Variants in ARFGEF1 observed in about 807,000 individuals in gnomAD.
ARFGEF1 encodes the protein ARF guanine nucleotide exchange factor 1, also known as brefeldin A-inhibited guanine nucleotide-exchange protein 1.
ARFGEF1 carries 42 observed loss-of-function variants against 231.0 expected under a neutral mutation model. The ratio of observed to expected loss-of-function variants is 0.18; its 90% CI spans 0.14 to 0.24. The LOEUF (loss-of-function observed/expected upper bound fraction) is 0.24. Ranked by LOEUF, ARFGEF1 falls within the 10% of genes least tolerant of loss-of-function variation. ARFGEF1 has a pLI of 1.00. For synonymous variants in ARFGEF1, 710 were observed against 732.3 expected (o/e 0.97, Z 0.49); for missense variants, 1,345 against 2,192.0 (o/e 0.61, Z 7.72).
intron 1 of ARFGEF1, among the ~76,000 whole-genome samples, chr8:67,333,730 T>C (rs1053127613): frequency 2.0e-5 from 3 of 152,194 alleles, no homozygotes; most frequent in African/African-American, 7.2e-5. Flanking sequence ...TTCCAAAATC[T>C]GAAACTTTTT....
At chr8:67,193,587 A>G (rs754461937), downstream of ARFGEF1, 2 of 1,613,582 alleles carry the variant, frequency 1.2e-6, no homozygotes, top group Admixed American at 3.3e-5. Flanking sequence ...ATTTCACAAT[A>G]AACCTATTAA....
Position 67,184,742 on chromosome 8 carries a change from A to T in ARFGEF1, c.561-9170T>A, listed in dbSNP as rs964286928. On this transcript the variant is annotated intron_variant, in intron 5 of 5. Coordinates refer to the ARFGEF1 transcript ENST00000518789. ...CTGTCTAAAAAAATAATAATAAAAA[A>T]ATATAATAATAATAATAATAATAAT... Among the ~76,000 whole-genome samples, 252 of 140,014 alleles carry T rather than the reference A, an allele frequency of 1.8e-3. 3 individuals are homozygous for T. Among genetic ancestry groups the T allele is most frequent in the African/African-American group, 6.8e-3 (244 of 35,814 alleles). 91.9% of individuals were successfully genotyped at this position (140,014 alleles called of 152,430 possible).
chr8:67,196,390 A>G (rs1563822502), downstream of ARFGEF1: 2 of 152,314 alleles, frequency 1.3e-5, no homozygotes, highest in South Asian at 2.1e-4. Context: ...TGGATAAGTG[A>G]GTCCATGTGA....
At chr8:67,217,967 T>G in intron 31 of ARFGEF1, 36 bp downstream of exon 31, 1 of 1,612,338 alleles carries the variant, frequency 6.2e-7, no homozygotes, top group Non-Finnish European at 8.5e-7. Flanking sequence ...AGGGTCACAT[T>G]TAACACTTTG....
intron 1 of ARFGEF1, among the ~76,000 whole-genome samples, chr8:67,315,682 CTAA>C (rs1312119358): frequency 1.3e-5 from 2 of 152,062 alleles, no homozygotes; most frequent in African/African-American, 4.8e-5. Context: ...TGGAGAAAAA[CTAA>C]TATTTCCAAA....
intron 5 of ARFGEF1, among the ~76,000 whole-genome samples, chr8:67,187,654 A>C (rs1455675010): frequency 6.6e-6 from 1 of 152,208 alleles, no homozygotes; most frequent in Non-Finnish European, 1.5e-5. Context: ...ACTAAACTCC[A>C]GCCTGGGCAA....
intron 4 of ARFGEF1, among the ~76,000 whole-genome samples, chr8:67,298,632 T>G (rs1307168379): frequency 6.6e-6 from 1 of 152,218 alleles, no homozygotes; most frequent in Admixed American, 6.5e-5. Context: ...AGAAAAACTT[T>G]GGAAGACTCT....
chr8:67,262,299 C>T (rs546663524), intron 14 of ARFGEF1, among the ~76,000 whole-genome samples: 3 of 152,096 alleles, frequency 2.0e-5, no homozygotes, highest in African/African-American at 4.8e-5. Flanking sequence ...GTAAAAGTAA[C>T]AAGAGACTTA....
At chr8:67,196,890 CACTT>C (rs879807517), downstream of ARFGEF1, among the ~76,000 whole-genome samples, 1 of 152,158 alleles carries the variant, frequency 6.6e-6, no homozygotes, top group African/African-American at 2.4e-5. Context: ...AAATACAGCA[CACTT>C]ACTTACAAAT....
intron 33 of ARFGEF1, among the ~76,000 whole-genome samples, chr8:67,214,896 G>C (rs891146451): frequency 2.6e-5 from 4 of 152,178 alleles, no homozygotes; most frequent in African/African-American, 7.2e-5. Context: ...AGAAAAAGAA[G>C]AACAACTGAG....
intron 19 of ARFGEF1, among the ~76,000 whole-genome samples, chr8:67,241,788 A>C (rs555097675): frequency 1.3e-5 from 2 of 152,258 alleles, no homozygotes; most frequent in Admixed American, 1.3e-4. Context: ...TTTTAACTTG[A>C]TATCACTGAA....
At chr8:67,233,734 TCTG>T (rs1414594065) in intron 22 of ARFGEF1, among the ~76,000 whole-genome samples, 1 of 151,672 alleles carries the variant, frequency 6.6e-6, no homozygotes, top group Non-Finnish European at 1.5e-5. Flanking sequence ...TCTCCTTCAT[TCTG>T]CTTACTGTTA....
At chr8:67,296,339 G>A in intron 5 of ARFGEF1, 92 bp downstream of exon 5, 1 of 1,128,536 alleles carries the variant, frequency 8.9e-7, no homozygotes, top group Admixed American at 2.2e-5. Context: ...TTTTCTACAG[G>A]TACAAAGATT....
At chr8:67,323,600 C>T (rs1807694153) in intron 1 of ARFGEF1, among the ~76,000 whole-genome samples, 1 of 152,196 alleles carries the variant, frequency 6.6e-6, no homozygotes, top group Admixed American at 6.5e-5. Flanking sequence ...AAAATCATGT[C>T]ATTAGAAACC....
intron 29 of ARFGEF1, among the ~76,000 whole-genome samples, chr8:67,221,716 C>T (rs762951754): frequency 1.3e-5 from 2 of 152,070 alleles, no homozygotes; most frequent in African/African-American, 2.4e-5. Flanking sequence ...TTTGCATTCA[C>T]TCACCACTCA....
intron 6 of ARFGEF1, among the ~76,000 whole-genome samples, chr8:67,289,179 G>A (rs535816596): frequency 2.0e-5 from 3 of 152,158 alleles, no homozygotes; most frequent in East Asian, 3.9e-4. Flanking sequence ...TTGAGCTACC[G>A]TTCTACACCA....
intron 4 of ARFGEF1, 118 bp from the exon 5 acceptor site, chr8:67,296,728 G>A (rs1806252560): frequency 2.6e-6 from 2 of 760,008 alleles, no homozygotes; most frequent in Non-Finnish European, 4.0e-6. Flanking sequence ...ATAGTTCACT[G>A]CAGCCTTGAA....
At chr8:67,222,227 A>G (rs200753839) in intron 29 of ARFGEF1, among the ~76,000 whole-genome samples, 3,767 of 115,122 alleles carry the variant, frequency 0.033, 98 homozygotes, top group Middle Eastern at 0.068. Context: ...ATATATATGT[A>G]TATGTATGTA....
At chr8:67,247,120 G>T (rs1173526576) in intron 19 of ARFGEF1, among the ~76,000 whole-genome samples, 1 of 150,146 alleles carries the variant, frequency 6.7e-6, no homozygotes, top group Non-Finnish European at 1.5e-5. Context: ...CTCAGCAAAA[G>T]AAAGCGTGAA....
Sources: gnomAD v4.1 joint callset for allele counts (sites outside exome capture counted in the v4.1 genomes callset) on GRCh38, gnomAD v4.1.1 for gene constraint, MANE v1.5 for transcripts, NCBI Gene and HGNC (gene_info 2026-07-23, HGNC 2026-07-21) for gene names.